Variants in CHL1 observed in about 807,000 individuals in gnomAD.
CHL1 encodes the protein cell adhesion molecule L1 like.
A neutral mutation model predicts 141.9 loss-of-function variants in CHL1; 96 were observed. That is an observed-to-expected ratio of 0.68 (90% CI 0.57 to 0.80). CHL1 has a LOEUF of 0.80. Ranked by LOEUF, CHL1 falls within the 30% of genes least tolerant of loss-of-function variation. CHL1 has a pLI of 0.00. For synonymous variants in CHL1, 613 were observed against 502.2 expected, an observed-to-expected ratio of 1.22 and a Z score of -2.95; for missense variants, 1,820 against 1,457.2, an observed-to-expected ratio of 1.25 and a Z score of -4.05.
chr3:333,843 A>T, intron 5 of CHL1, among the ~76,000 whole-genome samples: 1 of 152,228 alleles, frequency 6.6e-6, no homozygotes, highest in Admixed American at 6.5e-5. Flanking sequence ...TGACTGTTGA[A>T]TACTACTCAC....
intron 1 of CHL1, among the ~76,000 whole-genome samples, chr3:239,888 C>G (rs530162414): frequency 2.0e-4 from 31 of 152,266 alleles, no homozygotes; most frequent in African/African-American, 7.2e-4. Context: ...GAATAATCGT[C>G]TCCAGCTCCA....
chr3:307,004 G>A (rs1051798659), intron 2 of CHL1, among the ~76,000 whole-genome samples: 1 of 152,134 alleles, frequency 6.6e-6, no homozygotes, highest in Admixed American at 6.5e-5. Flanking sequence ...AAGGCTAATG[G>A]TGTATAACTT....
chr3:235,535 T>A (rs1363564100), intron 1 of CHL1, among the ~76,000 whole-genome samples: 1 of 152,168 alleles, frequency 6.6e-6, no homozygotes, highest in Non-Finnish European at 1.5e-5. Flanking sequence ...TTGCCCACAA[T>A]TAACTGGTGT....
At chr3:245,309 G>A (rs1213565631) in intron 2 of CHL1, among the ~76,000 whole-genome samples, 1 of 152,156 alleles carries the variant, frequency 6.6e-6, no homozygotes, top group Non-Finnish European at 1.5e-5. Flanking sequence ...ACACAGTGAT[G>A]TAGTTCTAGG....
intron 1 of CHL1, among the ~76,000 whole-genome samples, chr3:210,012 A>G (rs1322421755): frequency 1.3e-5 from 2 of 152,290 alleles, no homozygotes; most frequent in African/African-American, 2.4e-5. Flanking sequence ...TTAATTGTGT[A>G]TGGGGAATTC....
intron 1 of CHL1, among the ~76,000 whole-genome samples, chr3:236,811 A>T (rs1183160448): frequency 6.9e-6 from 1 of 145,674 alleles, no homozygotes; most frequent in Non-Finnish European, 1.5e-5. Context: ...CCTCTTAAAT[A>T]ATGTAGTGCC....
At chr3:300,005 G>C (rs915111446) in intron 2 of CHL1, among the ~76,000 whole-genome samples, 6 of 152,188 alleles carry the variant, frequency 3.9e-5, no homozygotes, top group Non-Finnish European at 4.4e-5. Context: ...GAAAGGATCA[G>C]TATTGGGTTT....
chr3:343,520 T>C (rs1395851228), intron 8 of CHL1, among the ~76,000 whole-genome samples: 3 of 152,218 alleles, frequency 2.0e-5, no homozygotes, highest in Admixed American at 2.0e-4. Context: ...TTCATGTGTC[T>C]GCGTGATCTT....
chr3:250,469 G>A (rs1043738078), intron 2 of CHL1, among the ~76,000 whole-genome samples: 1 of 152,096 alleles, frequency 6.6e-6, no homozygotes, highest in South Asian at 2.1e-4. Flanking sequence ...GAAGATTAGG[G>A]TTATTTTTAG....
intron 23 of CHL1, among the ~76,000 whole-genome samples, chr3:393,510 T>C (rs1708420139): frequency 6.6e-6 from 1 of 152,102 alleles, no homozygotes; most frequent in Non-Finnish European, 1.5e-5. Flanking sequence ...ATATAGAAGT[T>C]GAAATATTAA....
chr3:401,533 G>C (rs961007100), intron 26 of CHL1, 93 bp from the exon 27 acceptor site: 1 of 728,326 alleles, frequency 1.4e-6, no homozygotes, highest in Non-Finnish European at 2.3e-6. Context: ...GAGCAATGCT[G>C]TTCTTACTGA....
chr3:390,676 C>G, intron 20 of CHL1, 25 bp from the exon 21 acceptor site: 1 of 1,309,390 alleles, frequency 7.6e-7, no homozygotes, highest in Non-Finnish European at 1.1e-6. Flanking sequence ...TTATTGAAAA[C>G]TAATCAATCT....
At chr3:348,848 G>C (rs1246675413) in intron 9 of CHL1, among the ~76,000 whole-genome samples, 2 of 152,180 alleles carry the variant, frequency 1.3e-5, no homozygotes, top group Non-Finnish European at 2.9e-5. Context: ...GACATGTCCA[G>C]CTTTCACGCA....
At position 406,905 on chromosome 3, in the gene CHL1, C is replaced by G. The variant is rs1709564501; in HGVS notation, c.*1194C>G. On this transcript the variant is annotated 3_prime_UTR_variant, in exon 28 of 28. Coordinates refer to ENST00000256509, the MANE Select transcript of CHL1 (RefSeq NM_006614.4). ...TAGGTTTTTATTGTTGAATGTACAT[C>G]TACCCCAGCCCCTCAAAAGAAAAAC... 6.6e-6 allele frequency: 1 copy of G among 152,134 alleles called. No homozygotes were observed. Among genetic ancestry groups the G allele is most frequent in the Non-Finnish European group, 1.5e-5 (1 of 68,020 alleles). The allele number at this position is 152,134 out of a possible 1,614,324, so 9.4% of individuals were successfully genotyped here.
At chr3:233,378 C>G (rs1207892198) in intron 1 of CHL1, among the ~76,000 whole-genome samples, 2 of 152,148 alleles carry the variant, frequency 1.3e-5, no homozygotes, top group Admixed American at 1.3e-4. Context: ...CCAACCCCAA[C>G]AGGAATGCCA....
chr3:319,874 T>C lies in CHL1; in HGVS notation c.91+7T>C, dbSNP rs763867731. The C allele has an allele frequency of 4.6e-6, 7 of 1,517,374 alleles. No homozygotes were observed. Among genetic ancestry groups the C allele is most frequent in the Non-Finnish European group, 5.5e-6 (6 of 1,097,138 alleles). 94.0% of individuals were successfully genotyped at this position (1,517,374 alleles called of 1,614,324 possible). ...ATTGAAATACCATCTTCAGGTAAAG[T>C]TAAAACATTCAGTGCCTATTAATGG... On this transcript the variant is annotated splice_region_variant and intron_variant, in intron 3 of 27. Coordinates refer to ENST00000256509, the MANE Select transcript of CHL1 (RefSeq NM_006614.4).
At chr3:315,215 G>A (rs6777325) in intron 2 of CHL1, among the ~76,000 whole-genome samples, 2,445 of 152,172 alleles carry the variant, frequency 0.016, 68 homozygotes, top group African/African-American at 0.056. Context: ...TCTCATAAGT[G>A]TGCTATACAG....
At chr3:223,664 G>A (rs433073) in intron 1 of CHL1, among the ~76,000 whole-genome samples, 16,755 of 152,184 alleles carry the variant, frequency 0.11, 1,282 homozygotes, top group East Asian at 0.39. Context: ...CTGAGACAGC[G>A]GTATTACAGT....
At chr3:214,296 T>A (rs1700129858) in intron 1 of CHL1, among the ~76,000 whole-genome samples, 1 of 152,152 alleles carries the variant, frequency 6.6e-6, no homozygotes, top group African/African-American at 2.4e-5. Context: ...TGGTTTTCAG[T>A]CCTAGGCACT....
Sources: allele counts gnomAD v4.1 joint callset (sites outside exome capture counted in the v4.1 genomes callset), GRCh38; gene constraint gnomAD v4.1.1; transcripts MANE v1.5; gene names NCBI Gene and HGNC (gene_info 2026-07-23, HGNC 2026-07-21).